The following FOXN3 variants were observed in gnomAD, a reference collection of about 807,000 sequenced individuals.
FOXN3 encodes forkhead box N3.
Under a neutral mutation model 38.4 loss-of-function variants are expected in FOXN3, and 7 were observed. The observed-to-expected ratio is 0.18, with a 90% CI of 0.10 to 0.34. The LOEUF is 0.34. FOXN3 is among the 10% of genes least tolerant of loss of function. FOXN3 has a pLI of 1.00. For synonymous variants in FOXN3, 230 were observed against 242.2 expected, an observed-to-expected ratio of 0.95 and a Z score of 0.47; for missense variants, 456 against 613.4, an observed-to-expected ratio of 0.74 and a Z score of 2.71.
At chr14:89,423,721 CAGA>C (rs1891966681) in intron 1 of FOXN3, among the ~76,000 whole-genome samples, 3 of 152,326 alleles carry the variant, frequency 2.0e-5, no homozygotes, top group Middle Eastern at 3.4e-3. Context: ...TTTCATCTAT[CAGA>C]ATGGCAGAGA....
At chr14:89,192,250 T>C (rs1425208006) in intron 4 of FOXN3, among the ~76,000 whole-genome samples, 2 of 146,584 alleles carry the variant, frequency 1.4e-5, no homozygotes, top group African/African-American at 5.0e-5. Context: ...TATTAACCAT[T>C]ATATATAACA....
At chr14:89,499,771 A>T (rs535913182) in intron 1 of FOXN3, among the ~76,000 whole-genome samples, 15 of 152,222 alleles carry the variant, frequency 9.9e-5, no homozygotes, top group African/African-American at 2.9e-4. Context: ...AAGTGTGCAA[A>T]CTGCTTCTCA....
chr14:89,562,283 C>T (rs571275528), intron 1 of FOXN3, among the ~76,000 whole-genome samples: 1 of 152,010 alleles, frequency 6.6e-6, no homozygotes, highest in Admixed American at 6.6e-5. Flanking sequence ...TTTTTTGAGA[C>T]AGAGTCTTGC....
chr14:89,319,314 G>A (rs1887833860), intron 3 of FOXN3, among the ~76,000 whole-genome samples: 1 of 152,096 alleles, frequency 6.6e-6, no homozygotes, highest in African/African-American at 2.4e-5. Context: ...AGCACAAATA[G>A]CAGAGGGAAA....
intron 3 of FOXN3, among the ~76,000 whole-genome samples, chr14:89,288,720 CTCTCTATATATATATATATATATA>C (rs1566947699): frequency 3.5e-3 from 131 of 37,342 alleles, no homozygotes; most frequent in African/African-American, 7.3e-3. Flanking sequence ...CTCTCTCTCT[CTCTCTATATATATATATATATATA>C]TATATATATA....
rs1887098095 is a variant in FOXN3 at position 89,161,517 on chromosome 14, A to G, written c.*897T>C. On this transcript the variant is annotated 3_prime_UTR_variant, in exon 6 of 6. Coordinates refer to ENST00000557258, the MANE Select transcript of FOXN3 (RefSeq NM_005197.4). ...TTTTCACTTGGGCAGTTAAGAAGAC[A>G]CAGCTTGTTTTCCCCATCAGTTTTC... The G allele has an allele frequency of 6.6e-6, 1 of 150,858 alleles. No individual in the cohort carries two copies. The highest frequency in any genetic ancestry group is 2.5e-5 in the African/African-American group (1 of 40,554). The allele number at this position is 150,858 out of a possible 1,614,324, so 9.3% of individuals were successfully genotyped here. A position where few individuals can be genotyped will look rare whatever the true frequency, so the allele number is the denominator to read the frequency against.
chr14:89,290,881 T>C (rs927220461), intron 3 of FOXN3: 1 of 287,116 alleles, frequency 3.5e-6, no homozygotes, highest in Non-Finnish European at 6.9e-6. Flanking sequence ...GTGTCTTCAT[T>C]CTCAAAAAGT....
At chr14:89,425,067 T>TC (rs1171370526) in intron 1 of FOXN3, among the ~76,000 whole-genome samples, 6 of 118,290 alleles carry the variant, frequency 5.1e-5, no homozygotes, top group East Asian at 4.2e-4. Context: ...CTTTTCTTTT[T>TC]TTTTTTTTTT....
intron 1 of FOXN3, among the ~76,000 whole-genome samples, chr14:89,522,931 A>T (rs991788479): frequency 7.9e-5 from 11 of 140,110 alleles, no homozygotes; most frequent in East Asian, 3.9e-4. Context: ...AGATAAGATT[A>T]AAAAAAAACC....
intron 5 of FOXN3, among the ~76,000 whole-genome samples, chr14:89,175,120 T>A (rs1887487742): frequency 6.6e-6 from 1 of 152,254 alleles, no homozygotes; most frequent in Admixed American, 6.5e-5. Flanking sequence ...GTTTTCCCGA[T>A]GATTCTATTT....
At chr14:89,376,712 T>C (rs954880674) in intron 2 of FOXN3, among the ~76,000 whole-genome samples, 1 of 152,044 alleles carries the variant, frequency 6.6e-6, no homozygotes, top group African/African-American at 2.4e-5. Context: ...TGCCTGGCAA[T>C]TGTTTAAATA....
chr14:89,399,809 T>C (rs867504608), intron 2 of FOXN3, among the ~76,000 whole-genome samples: 9 of 152,166 alleles, frequency 5.9e-5, no homozygotes, highest in African/African-American at 1.9e-4. Flanking sequence ...CTAAACTAGT[T>C]TGGTCAGCTT....
chr14:89,455,552 A>C (rs1892703547), intron 1 of FOXN3, among the ~76,000 whole-genome samples: 1 of 152,176 alleles, frequency 6.6e-6, no homozygotes, highest in Non-Finnish European at 1.5e-5. Flanking sequence ...CACTGGAGTA[A>C]CGCCGAGGGC....
chr14:89,192,329 AAT>A (rs965554979), intron 4 of FOXN3, among the ~76,000 whole-genome samples: 5 of 146,230 alleles, frequency 3.4e-5, no homozygotes, highest in Non-Finnish European at 7.5e-5. Flanking sequence ...TCATTAATAA[AAT>A]ATATAGTTAT....
intron 1 of FOXN3, among the ~76,000 whole-genome samples, chr14:89,529,882 T>C (rs1894520236): frequency 6.6e-6 from 1 of 151,800 alleles, no homozygotes; most frequent in Non-Finnish European, 1.5e-5. Context: ...CACTCCAGCC[T>C]GGGTAACTGT....
At chr14:89,274,680 G>A (rs1886247608) in intron 4 of FOXN3, among the ~76,000 whole-genome samples, 1 of 152,218 alleles carries the variant, frequency 6.6e-6, no homozygotes, top group South Asian at 2.1e-4. Context: ...AGCTATATGT[G>A]CACCTGCTGT....
Position 89,588,772 on chromosome 14 carries a change from T to C in FOXN3, c.-15+30256A>G, listed in dbSNP as rs141232929. 1.7e-3 allele frequency among the ~76,000 whole-genome samples: 261 copies of C among 152,304 alleles called. 1 individual carries two copies. The highest frequency in any genetic ancestry group is 6.8e-3 in the Middle Eastern group (2 of 294). Reference sequence around the variant, plus strand: ...AGCAGGGGTAGGGCTGCTGTCTTCATGAAGAAGGATTTGGCAAAGATGGAA... The same window carrying C: ...AGCAGGGGTAGGGCTGCTGTCTTCACGAAGAAGGATTTGGCAAAGATGGAA... On this transcript the variant is annotated intron_variant, in intron 1 of 6. Coordinates refer to the FOXN3 transcript ENST00000345097.
chr14:89,182,274 T>C (rs997677020), intron 4 of FOXN3, among the ~76,000 whole-genome samples: 2 of 152,236 alleles, frequency 1.3e-5, no homozygotes, highest in Admixed American at 6.5e-5. Context: ...ATGTCCACTA[T>C]TGAATACGGG....
chr14:89,405,769 T>C (rs1033887848), intron 2 of FOXN3, among the ~76,000 whole-genome samples: 2 of 152,202 alleles, frequency 1.3e-5, no homozygotes, highest in Non-Finnish European at 2.9e-5. Flanking sequence ...CTGGGTTTAT[T>C]TGGGTTATTT....
Sources: allele counts gnomAD v4.1 joint callset (sites outside exome capture counted in the v4.1 genomes callset), GRCh38; gene constraint gnomAD v4.1.1; transcripts MANE v1.5; gene names NCBI Gene and HGNC (gene_info 2026-07-23, HGNC 2026-07-21).